Variants in SLC4A5 observed in about 807,000 individuals in gnomAD.
The protein encoded by SLC4A5 is electrogenic sodium bicarbonate cotransporter 4.
A neutral mutation model predicts 120.4 loss-of-function variants in SLC4A5; 96 were observed. The ratio of observed to expected loss-of-function variants is 0.80; its 90% CI spans 0.68 to 0.94. The LOEUF is 0.94. Ranked by LOEUF, SLC4A5 falls within the 40% of genes least tolerant of loss-of-function variation. The pLI is 0.00. For missense variants in SLC4A5, 1,259 were observed against 1,459.5 expected, an observed-to-expected ratio of 0.86 and a Z score of 2.24; for synonymous variants, 550 against 571.1, an observed-to-expected ratio of 0.96 and a Z score of 0.53.
chr2:74,270,491 G>A (rs1462868032), intron 8 of SLC4A5, among the ~76,000 whole-genome samples: 1 of 152,172 alleles, frequency 6.6e-6, no homozygotes, highest in African/African-American at 2.4e-5. Context: ...GGCTAACATG[G>A]TGAAACCCTG....
chr2:74,250,569 G>A (rs765907949), intron 16 of SLC4A5, 52 bp from the exon 17 acceptor site: 2 of 1,599,352 alleles, frequency 1.3e-6, no homozygotes, highest in Admixed American at 1.7e-5. Flanking sequence ...ACCAGTGCAG[G>A]GGCAGGGCTA....
At chr2:74,227,247 G>T in intron 26 of SLC4A5, 117 bp from the exon 27 acceptor site, 1 of 1,214,252 alleles carries the variant, frequency 8.2e-7, no homozygotes, top group Non-Finnish European at 1.1e-6. Flanking sequence ...CCCTGCTCAG[G>T]CCTTAAGGAT....
At chr2:74,326,165 C>T (rs1271075582) in intron 5 of SLC4A5, among the ~76,000 whole-genome samples, 2 of 152,116 alleles carry the variant, frequency 1.3e-5, no homozygotes. Context: ...TTTAAAAACC[C>T]TCTTTTCTCT....
intron 20 of SLC4A5, 32 bp from the exon 21 acceptor site, chr2:74,239,567 A>G: frequency 6.2e-7 from 1 of 1,606,856 alleles, no homozygotes; most frequent in Non-Finnish European, 8.5e-7. Flanking sequence ...AGAATGGGTC[A>G]GCATCTTCCT....
intron 5 of SLC4A5, among the ~76,000 whole-genome samples, chr2:74,318,487 A>G (rs1456035094): frequency 2.6e-5 from 4 of 152,150 alleles, no homozygotes; most frequent in Admixed American, 6.5e-5. Context: ...GGAGTTCAAG[A>G]CCAGCTTGGC....
rs888373485 is a variant in SLC4A5 at position 74,307,327 on chromosome 2, A to C, written c.80-2647T>G. Reference sequence around the variant, plus strand: ...ACATGTACCTCCATGGTCAACCCAGAGCTGGTAATCTGGGCTTGTAGGTCT... The same window carrying C: ...ACATGTACCTCCATGGTCAACCCAGCGCTGGTAATCTGGGCTTGTAGGTCT... On this transcript the variant is annotated intron_variant, in intron 6 of 30. Transcript: ENST00000394019. The C allele has an allele frequency of 1.2e-5, 7 of 575,454 alleles. No individual in the cohort carries two copies. In the East Asian group the frequency reaches 1.6e-4, roughly 13 times the overall value. 35.6% of individuals were successfully genotyped at this position (575,454 alleles called of 1,614,324 possible).
At chr2:74,216,604 A>T (rs1694452162) in exon 31 of SLC4A5, 2 of 152,092 alleles carry the variant, frequency 1.3e-5, no homozygotes, top group South Asian at 2.1e-4. Context: ...TACTTTTTTT[A>T]AAAATTAATT....
At chr2:74,317,169 G>A (rs1349806822) in intron 5 of SLC4A5, among the ~76,000 whole-genome samples, 1 of 152,096 alleles carries the variant, frequency 6.6e-6, no homozygotes, top group Non-Finnish European at 1.5e-5. Flanking sequence ...CTGAGGCTAT[G>A]GTTCCCATCC....
At chr2:74,219,194 TG>T (rs1694540157) in intron 30 of SLC4A5, among the ~76,000 whole-genome samples, 2 of 117,372 alleles carry the variant, frequency 1.7e-5, no homozygotes, top group Non-Finnish European at 3.4e-5. Flanking sequence ...TGTGTGTGTG[TG>T]TGTGTGTGTG....
intron 28 of SLC4A5, among the ~76,000 whole-genome samples, chr2:74,223,952 G>C (rs1201475909): frequency 6.6e-6 from 1 of 152,206 alleles, no homozygotes; most frequent in African/African-American, 2.4e-5. Flanking sequence ...GTGGATGCAG[G>C]GACGTGAGTT....
Position 74,255,932 on chromosome 2 carries a change from G to T in SLC4A5, c.868C>A (p.Arg290=). The T allele has an allele frequency of 6.2e-7, 1 of 1,613,358 alleles. No homozygotes were observed. Among genetic ancestry groups the T allele is most frequent in the South Asian group, 1.1e-5 (1 of 91,042 alleles). ...ATCTTCTTCATGAATTTGTTTTTCC[G>T]CTGGACAGGGAGGGGAAACGAGATA... is the stretch of plus-strand genomic sequence containing the variant. Residue 290 remains arginine, a splice_region_variant and synonymous_variant, in exon 13 of 31, where the codon CGG becomes AGG. Coordinates refer to ENST00000394019, the Ensembl canonical transcript of SLC4A5. The surrounding 1 kb of genome is among the most constrained non-coding windows in gnomAD (Gnocchi z 4.0).
At chr2:74,223,296 C>T (rs1378017371) in intron 28 of SLC4A5, among the ~76,000 whole-genome samples, 2 of 152,148 alleles carry the variant, frequency 1.3e-5, no homozygotes, top group East Asian at 1.9e-4. Flanking sequence ...TGAGCCACCG[C>T]GCGTGGCCAA....
intron 5 of SLC4A5, among the ~76,000 whole-genome samples, chr2:74,326,578 T>A (rs1443360586): frequency 2.0e-5 from 3 of 152,138 alleles, no homozygotes; most frequent in African/African-American, 7.2e-5. Context: ...CCCAGCACTT[T>A]GGGAGGACGA....
intron 19 of SLC4A5, among the ~76,000 whole-genome samples, chr2:74,246,702 C>T (rs2103970664): frequency 6.6e-6 from 1 of 152,296 alleles, no homozygotes; most frequent in Middle Eastern, 3.4e-3. Flanking sequence ...CAGGCACCAT[C>T]AGTTCTATCT....
intron 7 of SLC4A5, among the ~76,000 whole-genome samples, chr2:74,302,934 C>T (rs1045872026): frequency 2.0e-5 from 3 of 152,058 alleles, no homozygotes; most frequent in African/African-American, 7.3e-5. Flanking sequence ...TGTGAGGCAT[C>T]CAGAACCCAC....
chr2:74,333,067 G>C (rs1292807859), intron 4 of SLC4A5, among the ~76,000 whole-genome samples: 1 of 152,160 alleles, frequency 6.6e-6, no homozygotes, highest in African/African-American at 2.4e-5. Context: ...ACTGGCCCCA[G>C]TGTTCCTCAG....
intron 7 of SLC4A5, among the ~76,000 whole-genome samples, chr2:74,303,118 G>A (rs1431522179): frequency 8.9e-5 from 13 of 146,714 alleles, no homozygotes; most frequent in East Asian, 3.9e-4. Flanking sequence ...GTGTGTGTGC[G>A]TGTGTGTGTG....
chr2:74,254,248 C>T (rs1670886787), intron 14 of SLC4A5, among the ~76,000 whole-genome samples: 2 of 152,134 alleles, frequency 1.3e-5, no homozygotes, highest in African/African-American at 4.8e-5. Context: ...ATCAAACCAC[C>T]TCCATCCAGC....
At chr2:74,226,960 G>C in exon 27 of SLC4A5, 1 of 1,613,244 alleles carries the variant, frequency 6.2e-7, no homozygotes, top group Middle Eastern at 1.7e-4. Context: ...ACTTTACCAT[G>C]ACCGGGAAGA....
Sources: allele counts gnomAD v4.1 joint callset (sites outside exome capture counted in the v4.1 genomes callset), GRCh38; gene constraint gnomAD v4.1.1; non-coding constraint Gnocchi (gnomAD v3.1); transcripts MANE v1.5; gene names NCBI Gene and HGNC (gene_info 2026-07-23, HGNC 2026-07-21).